Variants in ALS2 observed in about 807,000 individuals in gnomAD.
The protein encoded by ALS2 is alsin Rho guanine nucleotide exchange factor ALS2.
In ALS2, 117 loss-of-function variants were observed where a neutral mutation model predicts 203.4. That is an observed-to-expected ratio of 0.58 (90% confidence interval 0.50 to 0.67). The LOEUF (loss-of-function observed/expected upper bound fraction) is 0.67, where lower values mean the gene tolerates loss of function less well. Among genes scored for constraint, ALS2 ranks in the 30% least tolerant of loss-of-function variants. The pLI is 0.00. For synonymous variants in ALS2, 718 were observed against 725.9 expected (o/e 0.99, Z 0.17); for missense variants, 1,715 against 1,989.4 (o/e 0.86, Z 2.62).
chr2:201,724,713 T>A (rs1325536266), intron 20 of ALS2, among the ~76,000 whole-genome samples: 6 of 152,180 alleles, frequency 3.9e-5, no homozygotes, highest in African/African-American at 1.2e-4. Context: ...GAAAATGAAA[T>A]AATGAGTTAT....
At chr2:201,776,264 G>A (rs1339736126) in intron 1 of ALS2, among the ~76,000 whole-genome samples, 2 of 152,104 alleles carry the variant, frequency 1.3e-5, no homozygotes, top group East Asian at 3.9e-4. Flanking sequence ...TGAGAAACAG[G>A]AAGACTTTAC....
intron 7 of ALS2, among the ~76,000 whole-genome samples, chr2:201,751,413 T>C (rs1300056872): frequency 6.6e-6 from 1 of 152,186 alleles, no homozygotes; most frequent in African/African-American, 2.4e-5. Flanking sequence ...AGAAAAACAC[T>C]GTACTGTTGT....
Position 201,724,360 on chromosome 2 carries a change from A to G in ALS2, c.3447T>C (p.Ser1149=), listed in dbSNP as rs2106001103. The change falls in exon 21 of 34, where the codon AGT becomes AGC. Residue 1149 remains serine, a synonymous_variant. Transcript: ENST00000264276. The part of the protein sequence containing the change: ...RSGKLTSSSP[S]MFIGQWVMDK... The stretch of plus-strand genomic sequence containing the variant: ...CCATTACCCACTGGCCAATGAACAT[A>G]CTAGGAGAAGAGGACGTCAATTTCC... 6 of 1,614,004 alleles carry G rather than the reference A, an allele frequency of 3.7e-6. No individual in the cohort carries two copies. The highest frequency in any genetic ancestry group is 5.1e-6 in the Non-Finnish European group (6 of 1,179,894).
rs892090211 is a variant in ALS2, at chr2:201,704,733, G to A, written c.4689-130C>T. Reference sequence around the variant, plus strand: ...CCCGGACACTTAGGCATTATGAGTCGTTGGAAAGGATGACTTTGTACTCCC... The same window carrying A: ...CCCGGACACTTAGGCATTATGAGTCATTGGAAAGGATGACTTTGTACTCCC... On this transcript the variant is annotated intron_variant, in intron 31 of 33. Coordinates refer to ENST00000264276, the MANE Select transcript of ALS2 (RefSeq NM_020919.4). 9 of 1,037,628 alleles carry A rather than the reference G, an allele frequency of 8.7e-6. No individual in the cohort carries two copies. In the East Asian group the frequency reaches 1.0e-4, roughly 12 times the overall value. The allele number at this position is 1,037,628 out of a possible 1,614,324, so 64.3% of individuals were successfully genotyped here. A position where few individuals can be genotyped will look rare whatever the true frequency, so the allele number is the denominator to read the frequency against.
intron 23 of ALS2, chr2:201,722,041 A>G (rs1016496349): frequency 3.3e-5 from 5 of 152,358 alleles, no homozygotes; most frequent in Non-Finnish European, 7.3e-5. Flanking sequence ...TTCTATTTCA[A>G]AAGACACTAT....
At position 201,703,017 on chromosome 2, in the gene ALS2, G is replaced by C. The variant is rs552954884; in HGVS notation, c.4935+1105C>G. ...TGTAATCCCAACTACTTGGGAGGCT[G>C]AGGCAGCAGAATCACTTGAACCTGG... On this transcript the variant is annotated intron_variant, in intron 33 of 33. Coordinates refer to ENST00000264276, the MANE Select transcript of ALS2 (RefSeq NM_020919.4). Among the ~76,000 whole-genome samples the C allele has an allele frequency of 2.6e-4, 40 of 152,294 alleles. No individual in the cohort carries two copies. In the South Asian group the frequency reaches 7.9e-3, roughly 30 times the overall value.
At chr2:201,756,357 G>C (rs1345475297) in intron 5 of ALS2, among the ~76,000 whole-genome samples, 1 of 151,776 alleles carries the variant, frequency 6.6e-6, no homozygotes, top group Non-Finnish European at 1.5e-5. Flanking sequence ...TTTTATTTGT[G>C]TAGAGGAAAA....
At chr2:201,720,421 A>G (rs1392291973) in intron 23 of ALS2, among the ~76,000 whole-genome samples, 14 of 151,626 alleles carry the variant, frequency 9.2e-5, no homozygotes, top group African/African-American at 2.9e-4. Flanking sequence ...AATGCTTTTC[A>G]GCCAAGCATG....
At chr2:201,733,074 A>G (rs1448804342) in intron 13 of ALS2, among the ~76,000 whole-genome samples, 1 of 152,242 alleles carries the variant, frequency 6.6e-6, no homozygotes, top group Non-Finnish European at 1.5e-5. Flanking sequence ...ATAAGGCCCT[A>G]AAGGGAAACT....
chr2:201,773,247 T>C (rs529711714), intron 1 of ALS2, among the ~76,000 whole-genome samples: 74 of 152,310 alleles, frequency 4.9e-4, no homozygotes, highest in Admixed American at 1.2e-3. Flanking sequence ...CAAAATGAAT[T>C]TTTGCAAGGA....
At chr2:201,741,552 G>T in intron 11 of ALS2, 122 bp downstream of exon 11, 1 of 1,072,268 alleles carries the variant, frequency 9.3e-7, no homozygotes, top group Non-Finnish European at 1.4e-6. Context: ...TTAAAATACT[G>T]CTTTGCAATT....
intron 22 of ALS2, 82 bp downstream of exon 22, chr2:201,723,248 C>A: frequency 7.1e-7 from 1 of 1,417,676 alleles, no homozygotes; most frequent in Non-Finnish European, 1.0e-6. Flanking sequence ...AAGGTGGAAA[C>A]TAATCAAAAG....
At chr2:201,741,514 G>A (rs1416029665) in intron 11 of ALS2, 160 bp downstream of exon 11, 1 of 721,334 alleles carries the variant, frequency 1.4e-6, no homozygotes, top group Non-Finnish European at 2.3e-6. Context: ...CTAAATTTTA[G>A]CAATCCAGAA....
intron 19 of ALS2, among the ~76,000 whole-genome samples, chr2:201,726,278 G>A (rs750784585): frequency 8.5e-5 from 13 of 152,104 alleles, no homozygotes; most frequent in Non-Finnish European, 1.6e-4. Context: ...GAGGTCACAC[G>A]GCTATCAGGG....
chr2:201,780,312 T>C (rs913874833), intron 1 of ALS2, among the ~76,000 whole-genome samples: 3 of 152,242 alleles, frequency 2.0e-5, no homozygotes, highest in East Asian at 1.9e-4. Flanking sequence ...AATTACTTGA[T>C]AGGCTCAAAG....
chr2:201,747,512 G>A (rs555499402), intron 8 of ALS2, among the ~76,000 whole-genome samples: 3 of 145,758 alleles, frequency 2.1e-5, no homozygotes, highest in East Asian at 2.2e-4. Context: ...GTGCAGTGGC[G>A]CAATCTCGGC....
intron 5 of ALS2, among the ~76,000 whole-genome samples, chr2:201,756,970 A>G (rs556597060): frequency 5.3e-5 from 8 of 152,316 alleles, no homozygotes; most frequent in African/African-American, 1.7e-4. Flanking sequence ...ATAATATTCT[A>G]AAAAGTTTAT....
Position 201,761,117 on chromosome 2 carries a change from T to C in ALS2, c.877A>G (p.Thr293Ala), listed in dbSNP as rs756294773. ...ACAGACTGATCATTTGCTACAAGAGTGTTCTCAAATACTTCTTCCTGCCTG... is the reference window on the plus strand; with the variant it reads ...ACAGACTGATCATTTGCTACAAGAGCGTTCTCAAATACTTCTTCCTGCCTG... ...LDRQEEVFEN[T>A]LVANDQSVAT... Residue 293 changes from threonine (T) to alanine (A), a missense_variant, in exon 4 of 34, where the codon ACT (threonine) becomes GCT (alanine). Coordinates refer to ENST00000264276, the MANE Select transcript of ALS2 (RefSeq NM_020919.4). 8.7e-6 allele frequency: 14 copies of C among 1,614,078 alleles called. No individual in the cohort carries two copies. Among genetic ancestry groups the C allele is most frequent in the Admixed American group, 1.7e-5 (1 of 60,006 alleles).
chr2:201,757,094 G>A (rs1235268858), intron 5 of ALS2, among the ~76,000 whole-genome samples: 2 of 152,068 alleles, frequency 1.3e-5, no homozygotes, highest in Non-Finnish European at 2.9e-5. Context: ...CAACCTCATC[G>A]ATCTGGAGTA....
Sources: gnomAD v4.1 joint callset for allele counts (sites outside exome capture counted in the v4.1 genomes callset) on GRCh38, gnomAD v4.1.1 for gene constraint, MANE v1.5 for transcripts, NCBI Gene and HGNC (gene_info 2026-07-23, HGNC 2026-07-21) for gene names.